NELL1: variants seen among roughly 807,000 people sequenced by gnomAD.
The protein encoded by NELL1 is protein kinase C-binding protein NELL1.
Under a neutral mutation model 107.4 loss-of-function variants are expected in NELL1, and 76 were observed. That is an observed-to-expected ratio of 0.71 (90% CI 0.59 to 0.86). The LOEUF is 0.86. Ranked by LOEUF, NELL1 falls within the 40% of genes least tolerant of loss-of-function variation. NELL1 has a pLI of 0.00. For synonymous variants in NELL1, 353 were observed against 341.2 expected (o/e 1.03, Z -0.38); for missense variants, 1,024 against 1,005.5 (o/e 1.02, Z -0.25).
intron 14 of NELL1, among the ~76,000 whole-genome samples, chr11:21,318,781 G>A (rs1407560450): frequency 6.6e-6 from 1 of 151,362 alleles, no homozygotes; most frequent in Non-Finnish European, 1.5e-5. Context: ...TCTTTCTGTT[G>A]TGTTCCTACT....
intron 15 of NELL1, among the ~76,000 whole-genome samples, chr11:21,383,047 C>T (rs1851647561): frequency 6.6e-6 from 1 of 151,966 alleles, no homozygotes; most frequent in South Asian, 2.1e-4. Context: ...ATGCACTGCA[C>T]TGTAAATCAT....
chr11:20,966,677 T>C (rs1564990682), intron 12 of NELL1, among the ~76,000 whole-genome samples: 3 of 152,048 alleles, frequency 2.0e-5, no homozygotes, highest in Non-Finnish European at 4.4e-5. Context: ...ATAACTAACA[T>C]GTCATCTTCC....
At chr11:20,764,953 G>C (rs1856499055) in intron 2 of NELL1, among the ~76,000 whole-genome samples, 1 of 152,118 alleles carries the variant, frequency 6.6e-6, no homozygotes, top group South Asian at 2.1e-4. Flanking sequence ...CTTGAGGTCA[G>C]GGGTTCAACA....
At chr11:20,938,200 TATG>T (rs929969056) in intron 10 of NELL1, among the ~76,000 whole-genome samples, 1 of 152,144 alleles carries the variant, frequency 6.6e-6, no homozygotes, top group Non-Finnish European at 1.5e-5. Flanking sequence ...TAATGCTAGT[TATG>T]ATAATACTAA....
In NELL1 at chr11:21,133,759, T is replaced by C. The variant is rs111542758; in HGVS notation, c.1426+20045T>C. 6.4e-4 allele frequency among the ~76,000 whole-genome samples: 98 copies of C among 152,206 alleles called. 1 individual carries two copies. The highest frequency in any genetic ancestry group is 2.1e-3 in the African/African-American group (86 of 41,534). ...TTGGTGGGGGGGTGGGGGATGGGCT[T>C]TGAGAGCAAGCACTTCCAAGCCTTC... On this transcript the variant is annotated intron_variant, in intron 13 of 19. Transcript: ENST00000357134.
chr11:21,491,434 G>A (rs1444353977), intron 15 of NELL1, among the ~76,000 whole-genome samples: 3 of 152,098 alleles, frequency 2.0e-5, no homozygotes, highest in Admixed American at 1.3e-4. Context: ...AGTTTTCCCA[G>A]CACCATTTAT....
intron 15 of NELL1, among the ~76,000 whole-genome samples, chr11:21,470,372 A>G (rs1463010350): frequency 1.3e-5 from 2 of 152,046 alleles, no homozygotes; most frequent in Non-Finnish European, 2.9e-5. Flanking sequence ...CTTATCCAAT[A>G]TCATTTCTTG....
chr11:21,098,412 C>T (rs1854708284), intron 12 of NELL1, among the ~76,000 whole-genome samples: 1 of 152,200 alleles, frequency 6.6e-6, no homozygotes, highest in African/African-American at 2.4e-5. Context: ...TGCCTAATCT[C>T]TGTAACCTCA....
At chr11:21,511,195 T>G (rs1056132000) in intron 15 of NELL1, among the ~76,000 whole-genome samples, 1 of 152,348 alleles carries the variant, frequency 6.6e-6, no homozygotes, top group East Asian at 1.9e-4. Flanking sequence ...CTCCAATATA[T>G]TCTAGCAAAT....
At chr11:21,051,613 G>A (rs147749509) in intron 12 of NELL1, among the ~76,000 whole-genome samples, 5 of 152,250 alleles carry the variant, frequency 3.3e-5, no homozygotes, top group South Asian at 2.1e-4. Flanking sequence ...ATTAGCATCC[G>A]TGTAACTATG....
At chr11:20,965,250 A>G (rs1030318524) in intron 12 of NELL1, among the ~76,000 whole-genome samples, 5 of 152,220 alleles carry the variant, frequency 3.3e-5, no homozygotes, top group African/African-American at 1.2e-4. Flanking sequence ...AACATGGTAA[A>G]TGGATTTCCC....
chr11:21,569,788 C>T (rs1005334096), intron 17 of NELL1, among the ~76,000 whole-genome samples: 1 of 151,736 alleles, frequency 6.6e-6, no homozygotes, highest in African/African-American at 2.4e-5. Context: ...GAATCCAAGA[C>T]TGAGAGCCTC....
chr11:21,171,743 C>T (rs1194593366), intron 13 of NELL1, among the ~76,000 whole-genome samples: 1 of 151,700 alleles, frequency 6.6e-6, no homozygotes, highest in Non-Finnish European at 1.5e-5. Context: ...AATGGAAATT[C>T]CCTATATTAA....
intron 2 of NELL1, among the ~76,000 whole-genome samples, chr11:20,702,957 G>T (rs547437751): frequency 6.6e-6 from 1 of 152,268 alleles, no homozygotes; most frequent in Admixed American, 6.5e-5. Flanking sequence ...CAGGCATAGT[G>T]GTCTAAAATT....
Position 21,184,593 on chromosome 11 carries a change from A to G in NELL1, c.1427-44739A>G, listed in dbSNP as rs930780288. On this transcript the variant is annotated intron_variant, in intron 13 of 19. Coordinates refer to ENST00000357134, the MANE Select transcript of NELL1 (RefSeq NM_006157.5). ...CCAGGCATGCTAAATTGTGTTTCAA[A>G]TGTGTCAGTCGAAAACAGACTCATT... Among the ~76,000 whole-genome samples, 15 of 152,050 alleles carry G rather than the reference A, an allele frequency of 9.9e-5. No individual in the cohort carries two copies. In the East Asian group the frequency reaches 2.3e-3, roughly 23 times the overall value.
At chr11:21,046,632 T>C (rs1449757517) in intron 12 of NELL1, among the ~76,000 whole-genome samples, 2 of 152,112 alleles carry the variant, frequency 1.3e-5, no homozygotes, top group African/African-American at 4.8e-5. Context: ...CTATAATTAT[T>C]CTTGGCCTGC....
intron 15 of NELL1, among the ~76,000 whole-genome samples, chr11:21,420,430 T>C (rs1852637183): frequency 6.6e-6 from 1 of 152,002 alleles, no homozygotes; most frequent in African/African-American, 2.4e-5. Context: ...AAGGAGGTGA[T>C]AGTGGCTGAA....
intron 10 of NELL1, among the ~76,000 whole-genome samples, chr11:20,939,675 A>G (rs565563634): frequency 1.3e-5 from 2 of 152,282 alleles, no homozygotes; most frequent in East Asian, 3.9e-4. Flanking sequence ...TGGAGAAAAA[A>G]TTCCCCAAGA....
At chr11:20,896,968 A>T (rs1437040235) in intron 5 of NELL1, among the ~76,000 whole-genome samples, 1 of 152,160 alleles carries the variant, frequency 6.6e-6, no homozygotes, top group South Asian at 2.1e-4. Context: ...AATCAATATC[A>T]TGAAAATGGC....
Sources: allele counts gnomAD v4.1 joint callset (sites outside exome capture counted in the v4.1 genomes callset), GRCh38; gene constraint gnomAD v4.1.1; transcripts MANE v1.5; gene names NCBI Gene and HGNC (gene_info 2026-07-23, HGNC 2026-07-21).